The following REPS1 variants were observed in gnomAD, a reference collection of about 807,000 sequenced individuals.
REPS1 encodes the protein RALBP1 associated Eps domain containing 1.
REPS1 carries 39 observed loss-of-function variants against 100.9 expected under a neutral mutation model. The observed-to-expected ratio is 0.39, with a 90% confidence interval of 0.30 to 0.50. REPS1 has a LOEUF of 0.50. Ranked by LOEUF, REPS1 falls within the 20% of genes least tolerant of loss-of-function variation. The pLI, the probability that REPS1 is intolerant of heterozygous loss-of-function variation, is 0.86. For missense variants in REPS1, 821 were observed against 968.5 expected, an observed-to-expected ratio of 0.85 and a Z score of 2.02; for synonymous variants, 324 against 340.3, an observed-to-expected ratio of 0.95 and a Z score of 0.53.
intron 14 of REPS1, 48 bp downstream of exon 14, chr6:138,915,810 A>C: frequency 7.7e-7 from 1 of 1,293,284 alleles, no homozygotes; most frequent in Middle Eastern, 1.9e-4. Flanking sequence ...GTGTTGGATT[A>C]ACTTTAAAAT....
intron 1 of REPS1, among the ~76,000 whole-genome samples, chr6:138,979,910 G>C (rs1195599678): frequency 6.6e-6 from 1 of 152,090 alleles, no homozygotes; most frequent in African/African-American, 2.4e-5. Context: ...TCTAAGCCAA[G>C]TATCTCTGAA....
intron 10 of REPS1, among the ~76,000 whole-genome samples, chr6:138,923,916 A>T (rs1780938829): frequency 6.7e-6 from 1 of 149,334 alleles, no homozygotes; most frequent in Non-Finnish European, 1.5e-5. Context: ...AGAAGAGTAG[A>T]GTTTTTCCCC....
intron 1 of REPS1, among the ~76,000 whole-genome samples, chr6:138,979,251 T>A (rs6911588): frequency 0.087 from 12,941 of 148,664 alleles, 1,187 homozygotes; most frequent in African/African-American, 0.23. Context: ...CTCTGTGCAG[T>A]CAGGATCCTG....
intron 4 of REPS1, 40 bp from the exon 5 acceptor site, chr6:138,944,662 G>C (rs761985765): frequency 1.3e-6 from 2 of 1,568,572 alleles, no homozygotes; most frequent in Non-Finnish European, 1.7e-6. Context: ...TCATGTTTGA[G>C]GAAAAAAGTT....
rs981739156 is a variant in REPS1, at chr6:138,922,507, A to C, written c.1339-1383T>G. 7.2e-5 allele frequency among the ~76,000 whole-genome samples: 11 copies of C among 152,246 alleles called. No individual in the cohort carries two copies. In the East Asian group the frequency reaches 1.5e-3, roughly 21 times the overall value. On this transcript the variant is annotated intron_variant, in intron 10 of 19. Coordinates refer to ENST00000450536, the MANE Select transcript of REPS1 (RefSeq NM_001286611.2). ...TGACTAGAATGAAAGCACAAAAGAA[A>C]GGATGAGAGAATGAAGACAATGGTA...
chr6:138,915,748 GATAA>G (rs1385069035), intron 14 of REPS1, 106 bp downstream of exon 14: 35 of 835,472 alleles, frequency 4.2e-5, no homozygotes, highest in Non-Finnish European at 6.1e-5. Flanking sequence ...CACTCGACCA[GATAA>G]ATATTTTTAA....
intron 1 of REPS1, among the ~76,000 whole-genome samples, chr6:138,973,772 A>G (rs1784459481): frequency 6.6e-6 from 1 of 152,076 alleles, no homozygotes; most frequent in East Asian, 1.9e-4. Flanking sequence ...ATGAATTATC[A>G]TATATAAAGG....
chr6:138,981,308 G>T (rs1156830606), intron 1 of REPS1, among the ~76,000 whole-genome samples: 1 of 152,118 alleles, frequency 6.6e-6, no homozygotes, highest in East Asian at 1.9e-4. Flanking sequence ...CTAAGTCTTA[G>T]AATTTATCAA....
In REPS1 at chr6:138,915,929, G is replaced by A. The variant is rs1457213448; in HGVS notation, c.1649C>T (p.Pro550Leu). Reference sequence around the variant, plus strand: ...AGAATGAGAGGGCTGTGGCCTTGGAGGGGGAGGTGGTGGTGCAGTGTTATC... The same window carrying A: ...AGAATGAGAGGGCTGTGGCCTTGGAAGGGGAGGTGGTGGTGCAGTGTTATC... ...SPDNTAPPPP[P>L]PRPQPSHSRS... is the part of the protein sequence containing the mutation. Residue 550 changes from proline to leucine, a missense_variant, in exon 14 of 20, where the codon CCT (proline) becomes CTT (leucine). By Grantham distance (98) the Pro-to-Leu change is moderately conservative. Coordinates refer to ENST00000450536, the MANE Select transcript of REPS1 (RefSeq NM_001286611.2). 6.2e-7 allele frequency: 1 copy of A among 1,614,026 alleles called. No individual in the cohort carries two copies. The highest frequency in any genetic ancestry group is 1.7e-5 in the Admixed American group (1 of 60,018).
chr6:138,908,675 T>C lies in REPS1; in HGVS notation c.2209A>G (p.Ile737Val), dbSNP rs760311966. ...AGGAATAGCTTTGATTACCTGGGAA[T>C]AGAAGGTTGTGATGCAAGAACAGCA... ...LAAVLASQPSIPRSVGKDKKA... is the reference protein window; with the variant it reads ...LAAVLASQPSVPRSVGKDKKA... The change falls in exon 18 of 20, where the codon ATT becomes GTT. Residue 737 changes from isoleucine (I) to valine (V), a missense_variant. By Grantham distance (29) the Ile-to-Val change is conservative. Transcript: ENST00000450536. 3.1e-6 allele frequency: 5 copies of C among 1,614,060 alleles called. No individual in the cohort carries two copies. In the African/African-American group the frequency reaches 4.0e-5, roughly 13 times the overall value.
At chr6:138,942,927 C>G (rs550378584) in intron 7 of REPS1, among the ~76,000 whole-genome samples, 21 of 151,090 alleles carry the variant, frequency 1.4e-4, no homozygotes, top group African/African-American at 5.1e-4. Flanking sequence ...GCTAATTTTT[C>G]TGTAGAGACA....
chr6:138,987,769 G>T lies in REPS1; in HGVS notation c.-87C>A. ...ACCTGGGCCGGCAGGGGCTGCGCGT[G>T]GCCCGGCCTCCTGCTAGCTTCCCGA... On this transcript the variant is annotated 5_prime_UTR_variant, in exon 1 of 20. Transcript: ENST00000450536. The T allele has an allele frequency of 7.2e-7, 1 of 1,382,070 alleles. No individual in the cohort carries two copies. 85.6% of individuals were successfully genotyped at this position (1,382,070 alleles called of 1,614,324 possible). A position where few individuals can be genotyped will look rare whatever the true frequency, so the allele number is the denominator to read the frequency against.
Position 138,912,818 on chromosome 6 carries a change from T to A in REPS1, c.1918A>T (p.Asn640Tyr). The A allele has an allele frequency of 6.2e-7, 1 of 1,614,170 alleles. No individual in the cohort carries two copies. The highest frequency in any genetic ancestry group is 8.5e-7 in the Non-Finnish European group (1 of 1,180,024). The change falls in exon 16 of 20, where the codon AAT becomes TAT. Residue 640 changes from asparagine to tyrosine, a missense_variant. This residue lies in a region of REPS1 where 757 missense variants were observed against 866.4 expected (regional missense o/e 0.87). Transcript: ENST00000450536. ...TCATCATCTTGTTCGTCGTTTACAT[T>A]TGATGCAGCAAATACTTCAAACTGA... ...FSQFEVFAAS[N>Y]VNDEQDDEAE...
At chr6:138,965,529 T>C (rs1783970489) in intron 1 of REPS1, among the ~76,000 whole-genome samples, 1 of 152,200 alleles carries the variant, frequency 6.6e-6, no homozygotes, top group African/African-American at 2.4e-5. Context: ...ATAAAATTAA[T>C]TTGATCACTA....
chr6:138,964,244 T>A (rs1783894949), intron 1 of REPS1, among the ~76,000 whole-genome samples: 1 of 152,112 alleles, frequency 6.6e-6, no homozygotes, highest in African/African-American at 2.4e-5. Context: ...AACTCCATTT[T>A]ACTTATCTAT....
intron 1 of REPS1, among the ~76,000 whole-genome samples, chr6:138,953,700 G>C (rs2128485733): frequency 6.9e-6 from 1 of 144,280 alleles, no homozygotes; most frequent in Non-Finnish European, 1.5e-5. Flanking sequence ...AAAAAAAAAT[G>C]CTGGCGAGGA....
intron 1 of REPS1, 117 bp from the exon 2 acceptor site, chr6:138,948,030 T>C (rs1345131383): frequency 1.2e-6 from 1 of 805,934 alleles, no homozygotes; most frequent in Non-Finnish European, 1.7e-6. Context: ...GATGGTATAA[T>C]ACTCACAACT....
intron 10 of REPS1, among the ~76,000 whole-genome samples, chr6:138,922,596 C>A (rs1780851154): frequency 6.6e-6 from 1 of 152,152 alleles, no homozygotes; most frequent in Non-Finnish European, 1.5e-5. Context: ...ATCTTAGGGA[C>A]TGAGACTCCC....
chr6:138,945,746 T>C (rs1477702402), intron 2 of REPS1, 49 bp from the exon 3 acceptor site: 4 of 1,352,794 alleles, frequency 3.0e-6, no homozygotes, highest in South Asian at 1.7e-5. Flanking sequence ...AGGACATATA[T>C]ATTGAAAACT....
Sources: allele counts gnomAD v4.1 joint callset (sites outside exome capture counted in the v4.1 genomes callset), GRCh38; gene constraint gnomAD v4.1.1; regional missense constraint gnomAD v4.1.1; transcripts MANE v1.5; gene names NCBI Gene and HGNC (gene_info 2026-07-23, HGNC 2026-07-21).